Variants in DNTT observed in about 807,000 individuals in gnomAD.
DNTT encodes nucleosidetriphosphate:DNA deoxynucleotidylexotransferase.
Under a neutral mutation model 60.9 loss-of-function variants are expected in DNTT, and 47 were observed. The ratio of observed to expected loss-of-function variants is 0.77; its 90% CI spans 0.61 to 0.98. The LOEUF is 0.98. Among genes scored for constraint, DNTT ranks in the 50% least tolerant of loss-of-function variants. The probability of loss-of-function intolerance (pLI) is 0.00; values close to 1 mark genes in which losing one functional copy is unlikely to be tolerated. For synonymous variants in DNTT, 224 were observed against 221.2 expected (o/e 1.01, Z -0.11); for missense variants, 665 against 627.5 (o/e 1.06, Z -0.64).
In DNTT at chr10:96,319,519, A is replaced by G; in HGVS notation, c.507+129A>G. The G allele has an allele frequency of 2.3e-6, 3 of 1,310,916 alleles. No homozygotes were observed. In the Admixed American group the frequency reaches 6.6e-5, roughly 29 times the overall value. The allele number at this position is 1,310,916 out of a possible 1,614,324, so 81.2% of individuals were successfully genotyped here. A position where few individuals can be genotyped will look rare whatever the true frequency, so the allele number is the denominator to read the frequency against. On this transcript the variant is annotated intron_variant, in intron 3 of 10. Coordinates refer to ENST00000371174, the MANE Select transcript of DNTT (RefSeq NM_004088.4). ...TTTCCTCCCACCTACCTGCAGCCCTAGCCTGATCTCTGATCCTTCTATCCT... is the reference window on the plus strand; with the variant it reads ...TTTCCTCCCACCTACCTGCAGCCCTGGCCTGATCTCTGATCCTTCTATCCT...
In DNTT at chr10:96,318,496, G is replaced by A. The variant is rs773372165; in HGVS notation, c.348G>A (p.Pro116=). Residue 116 remains proline (P), a synonymous_variant, in exon 2 of 11, where the codon CCG becomes CCA. Coordinates refer to ENST00000371174, the MANE Select transcript of DNTT (RefSeq NM_004088.4). ...TCGAATGCATAAGAGCAGGGAAACCGGTGGAAATGACAGGAAAACACCAGC... is the reference window on the plus strand; with the variant it reads ...TCGAATGCATAAGAGCAGGGAAACCAGTGGAAATGACAGGAAAACACCAGC... ...WLIECIRAGK[P]VEMTGKHQLV... The A allele has an allele frequency of 2.9e-5, 46 of 1,613,482 alleles. No individual in the cohort carries two copies. Among genetic ancestry groups the A allele is most frequent in the South Asian group, 6.6e-5 (6 of 90,956 alleles).
chr10:96,337,102 G>A (rs569133153), intron 10 of DNTT, among the ~76,000 whole-genome samples: 6 of 152,272 alleles, frequency 3.9e-5, no homozygotes, highest in Non-Finnish European at 5.9e-5. Flanking sequence ...ATGTCGAAGC[G>A]TTCAGGGGCA....
At chr10:96,323,433 T>C (rs1440645241) in intron 5 of DNTT, among the ~76,000 whole-genome samples, 1 of 152,102 alleles carries the variant, frequency 6.6e-6, no homozygotes, top group Admixed American at 6.5e-5. Flanking sequence ...GGGAATTCCG[T>C]CCATAGCTTT....
chr10:96,337,002 G>A (rs899922910), intron 10 of DNTT, among the ~76,000 whole-genome samples: 3 of 150,912 alleles, frequency 2.0e-5, no homozygotes, highest in African/African-American at 7.3e-5. Flanking sequence ...TAAATGAGAT[G>A]TATTCAGTTA....
intron 8 of DNTT, among the ~76,000 whole-genome samples, chr10:96,330,481 T>G (rs1159799547): frequency 6.6e-6 from 1 of 152,146 alleles, no homozygotes; most frequent in East Asian, 1.9e-4. Context: ...AAAAGTGGAA[T>G]TGTATTTTCC....
At chr10:96,332,140 C>G (rs1021492199) in intron 8 of DNTT, among the ~76,000 whole-genome samples, 35 of 152,238 alleles carry the variant, frequency 2.3e-4, no homozygotes, top group African/African-American at 8.2e-4. Flanking sequence ...TTCAGCCTCT[C>G]TCATCGCTAA....
At chr10:96,331,988 G>A (rs1845011538) in intron 8 of DNTT, among the ~76,000 whole-genome samples, 1 of 152,106 alleles carries the variant, frequency 6.6e-6, no homozygotes, top group Non-Finnish European at 1.5e-5. Context: ...ATGTCACCCA[G>A]GCTGGTCTCA....
At chr10:96,305,346 G>A (rs574587497) in intron 1 of DNTT, among the ~76,000 whole-genome samples, 192 of 152,306 alleles carry the variant, frequency 1.3e-3, no homozygotes, top group Non-Finnish European at 2.2e-3. Flanking sequence ...AGGCAAGGAG[G>A]CGATAGAAGC....
At position 96,324,399 on chromosome 10, in the gene DNTT, C is replaced by G; in HGVS notation, c.874+10C>G. The stretch of plus-strand genomic sequence containing the variant: ...CGAATGCAGAAAGCAGGTAAATTGT[C>G]TCTCCTAAAAGTCATTGTTGCTATG... On this transcript the variant is annotated intron_variant, in intron 6 of 10. Coordinates refer to ENST00000371174, the MANE Select transcript of DNTT (RefSeq NM_004088.4). The G allele has an allele frequency of 1.2e-6, 2 of 1,613,510 alleles. No individual in the cohort carries two copies. The highest frequency in any genetic ancestry group is 1.7e-6 in the Non-Finnish European group (2 of 1,179,618).
Position 96,338,128 on chromosome 10 carries a change from A to G in DNTT, c.1444-10A>G. 6.2e-7 allele frequency: 1 copy of G among 1,609,108 alleles called. No homozygotes were observed. Among genetic ancestry groups the G allele is most frequent in the Non-Finnish European group, 8.5e-7 (1 of 1,177,998 alleles). The stretch of plus-strand genomic sequence containing the variant: ...TATCTGAATGCACATATTTCTTGTT[A>G]TGTTTTCAGAGGATATTCCTCAAAG... On this transcript the variant is annotated splice_polypyrimidine_tract_variant and intron_variant, in intron 10 of 10. Transcript: ENST00000371174.
At chr10:96,335,285 A>C (rs572991437) in intron 9 of DNTT, among the ~76,000 whole-genome samples, 1 of 152,082 alleles carries the variant, frequency 6.6e-6, no homozygotes, top group African/African-American at 2.4e-5. Context: ...ACTGTGGGAG[A>C]TGTCATCCAG....
intron 10 of DNTT, 145 bp downstream of exon 10, chr10:96,336,119 A>C (rs1219944774): frequency 2.5e-6 from 2 of 797,272 alleles, no homozygotes; most frequent in Non-Finnish European, 4.1e-6. Flanking sequence ...AGTTGAGGGC[A>C]GCAAGAAAGA....
At chr10:96,307,701 G>A (rs866440040) in intron 1 of DNTT, among the ~76,000 whole-genome samples, 7,397 of 84,256 alleles carry the variant, frequency 0.088, 328 homozygotes, top group Non-Finnish European at 0.14. Flanking sequence ...GTGTGTGTGT[G>A]TGTGTATATA....
intron 1 of DNTT, among the ~76,000 whole-genome samples, chr10:96,309,595 T>C (rs943206366): frequency 4.6e-5 from 7 of 152,228 alleles, no homozygotes; most frequent in Admixed American, 4.6e-4. Context: ...GTTTGACATG[T>C]GGATTCTGTC....
chr10:96,330,496 C>G (rs981908384), intron 8 of DNTT, among the ~76,000 whole-genome samples: 3 of 152,150 alleles, frequency 2.0e-5, no homozygotes, highest in African/African-American at 7.2e-5. Context: ...TTTTCCGGAG[C>G]TGGTGATTCG....
chr10:96,324,709 G>C (rs554026245), intron 6 of DNTT, among the ~76,000 whole-genome samples: 2 of 152,326 alleles, frequency 1.3e-5, no homozygotes, highest in East Asian at 1.9e-4. Flanking sequence ...CACTGTGGCT[G>C]TTTGTGGTCC....
chr10:96,332,253 T>C, intron 8 of DNTT, 98 bp from the exon 9 acceptor site: 1 of 1,527,834 alleles, frequency 6.5e-7, no homozygotes, highest in Non-Finnish European at 8.8e-7. Context: ...ATGTCCATGT[T>C]CTGCTCGAAT....
In DNTT at chr10:96,318,524, G is replaced by C; in HGVS notation, c.376G>C (p.Val126Leu). Residue 126 changes from valine (V) to leucine (L), a missense_variant and splice_region_variant, in exon 2 of 11, where the codon GTT (valine) becomes CTT (leucine). Physicochemically the swap from Val to Leu is conservative, Grantham distance 32. Coordinates refer to ENST00000371174, the MANE Select transcript of DNTT (RefSeq NM_004088.4). ...GGAAATGACAGGAAAACACCAGCTTGTTGTAAGTGTCATGGGTGTGATTTT... is the reference window on the plus strand; with the variant it reads ...GGAAATGACAGGAAAACACCAGCTTCTTGTAAGTGTCATGGGTGTGATTTT... ...PVEMTGKHQL[V>L]VRRDYSDSTN... 1.2e-6 allele frequency: 2 copies of C among 1,613,026 alleles called. No individual in the cohort carries two copies. Among genetic ancestry groups the C allele is most frequent in the Non-Finnish European group, 1.7e-6 (2 of 1,179,408 alleles).
rs192123415 is a variant in DNTT, at chr10:96,307,873, C to T, written c.203+3173C>T. 9.5e-4 allele frequency among the ~76,000 whole-genome samples: 143 copies of T among 150,000 alleles called. 1 individual carries two copies. In the East Asian group the frequency reaches 0.021, roughly 22 times the overall value. ...TGCAACCTCCGTCTCCCAGACTCAACGGATCCTCTCACCTCAGCCTCCCAA... is the reference window on the plus strand; with the variant it reads ...TGCAACCTCCGTCTCCCAGACTCAATGGATCCTCTCACCTCAGCCTCCCAA... On this transcript the variant is annotated intron_variant, in intron 1 of 10. Transcript: ENST00000371174.
Sources: allele counts gnomAD v4.1 joint callset (sites outside exome capture counted in the v4.1 genomes callset), GRCh38; gene constraint gnomAD v4.1.1; transcripts MANE v1.5; gene names NCBI Gene and HGNC (gene_info 2026-07-23, HGNC 2026-07-21).